Variants in TYW1 observed in about 807,000 individuals in gnomAD.
The protein encoded by TYW1 is S-adenosyl-L-methionine-dependent tRNA 4-demethylwyosine synthase TYW1.
A neutral mutation model predicts 96.2 loss-of-function variants in TYW1; 46 were observed. That is an observed-to-expected ratio of 0.48 (90% confidence interval 0.38 to 0.61). The LOEUF (loss-of-function observed/expected upper bound fraction) is 0.61, where lower values mean the gene tolerates loss of function less well. Ranked by LOEUF, TYW1 falls within the 20% of genes least tolerant of loss-of-function variation. The probability of loss-of-function intolerance (pLI) is 0.00; values close to 1 mark genes in which losing one functional copy is unlikely to be tolerated. For synonymous variants in TYW1, 274 were observed against 323.0 expected, an observed-to-expected ratio of 0.85 and a Z score of 1.63; for missense variants, 684 against 909.6, an observed-to-expected ratio of 0.75 and a Z score of 3.19.
chr7:67,050,063 C>T lies in TYW1; in HGVS notation c.1099C>T (p.Gln367Ter). Residue 367 changes from glutamine (Q) to a stop codon, truncating the protein, a stop_gained, in exon 8 of 16, where the codon CAA becomes TAA. Coordinates refer to ENST00000359626, the MANE Select transcript of TYW1 (RefSeq NM_018264.4). LOFTEE classifies it high-confidence loss of function. Reference sequence around the variant, plus strand: ...TGCTCTCCGAGAAGCCCTTACTAAACAAGGTGAAAATCTTCAAGAATTGTT... The same window carrying T: ...TGCTCTCCGAGAAGCCCTTACTAAATAAGGTGAAAATCTTCAAGAATTGTT... ...TPALREALTK[Q>*]GYQLIGSHSG... The T allele has an allele frequency of 1.2e-6, 2 of 1,612,420 alleles. No homozygotes were observed. The highest frequency in any genetic ancestry group is 1.1e-5 in the South Asian group (1 of 90,986).
intron 13 of TYW1, among the ~76,000 whole-genome samples, chr7:67,130,025 A>C (rs1026235141): frequency 4.6e-5 from 7 of 151,980 alleles, no homozygotes; most frequent in Non-Finnish European, 7.4e-5. Context: ...TTCCCAGAAG[A>C]TACTCTGTGT....
intron 8 of TYW1, among the ~76,000 whole-genome samples, chr7:67,051,280 T>C (rs1187093826): frequency 6.6e-6 from 1 of 152,166 alleles, no homozygotes; most frequent in African/African-American, 2.4e-5. Flanking sequence ...TCTTAACCCA[T>C]ATGTAATTTT....
At chr7:67,120,341 C>T (rs140978308) in intron 13 of TYW1, among the ~76,000 whole-genome samples, 5,125 of 152,146 alleles carry the variant, frequency 0.034, 257 homozygotes, top group African/African-American at 0.12. Flanking sequence ...CCTCAACCTC[C>T]GAAAGTGCTG....
At chr7:67,059,086 T>C (rs1227156488) in intron 9 of TYW1, among the ~76,000 whole-genome samples, 2 of 150,712 alleles carry the variant, frequency 1.3e-5, no homozygotes, top group Non-Finnish European at 2.9e-5. Flanking sequence ...TATAAGTCAA[T>C]GAAGACAAAG....
At chr7:67,191,969 T>C (rs35521959) in intron 14 of TYW1, among the ~76,000 whole-genome samples, 41,727 of 148,526 alleles carry the variant, frequency 0.28, 6,596 homozygotes, top group African/African-American at 0.42. Context: ...TATCTCAGCT[T>C]GCTGCAATCT....
chr7:67,091,911 A>T lies in TYW1; in HGVS notation c.1385-6630A>T, dbSNP rs1297025868. On this transcript the variant is annotated intron_variant, in intron 11 of 15. Coordinates refer to ENST00000359626, the MANE Select transcript of TYW1 (RefSeq NM_018264.4). ...ATATGATTATGATATTTTTATTTGT[A>T]GCTTTCTGGAAAGGATGGCTTTGGT... Among the ~76,000 whole-genome samples the T allele has an allele frequency of 2.0e-5, 3 of 152,118 alleles. No homozygotes were observed. The East Asian group carries it at 5.8e-4, about 29-fold the overall frequency.
intron 10 of TYW1, among the ~76,000 whole-genome samples, chr7:67,071,389 A>G (rs1362573351): frequency 1.4e-5 from 2 of 147,734 alleles, no homozygotes. Context: ...AAAAATTGGA[A>G]AAAAAAAAAA....
At chr7:67,188,830 C>G (rs34567129) in intron 14 of TYW1, among the ~76,000 whole-genome samples, 38,096 of 151,948 alleles carry the variant, frequency 0.25, 4,958 homozygotes, top group Middle Eastern at 0.3. Context: ...ACAGATATGC[C>G]TGGAGCTCCC....
At chr7:67,182,305 A>G (rs1799865619) in intron 13 of TYW1, among the ~76,000 whole-genome samples, 1 of 152,218 alleles carries the variant, frequency 6.6e-6, no homozygotes, top group South Asian at 2.1e-4. Flanking sequence ...GTGTGTGCCT[A>G]TAATCCCAGC....
In TYW1 at chr7:67,018,026, A is replaced by T; in HGVS notation, c.744A>T (p.Arg248Ser). ...TGCAGGCACTTCAGAAAGGGGAGAG[A>T]AAGAAGTCCTGTGGCGGCCACTGCA... Reference protein sequence around the residue: ...SQLQALQKGERKKSCGGHCKK... With the variant: ...SQLQALQKGESKKSCGGHCKK... The change falls in exon 6 of 16, where the codon AGA becomes AGT. Residue 248 changes from arginine (R) to serine (S), a missense_variant. Coordinates refer to ENST00000359626, the MANE Select transcript of TYW1 (RefSeq NM_018264.4). 6.2e-7 allele frequency: 1 copy of T among 1,614,132 alleles called. No individual in the cohort carries two copies. Among genetic ancestry groups the T allele is most frequent in the Admixed American group, 1.7e-5 (1 of 59,972 alleles).
chr7:67,098,196 T>C (rs942284182), intron 11 of TYW1, among the ~76,000 whole-genome samples: 3 of 152,236 alleles, frequency 2.0e-5, no homozygotes, highest in Non-Finnish European at 4.4e-5. Context: ...CTTGTTCTTA[T>C]GCAGATATAC....
intron 15 of TYW1, among the ~76,000 whole-genome samples, chr7:67,231,921 C>CT (rs1266064519): frequency 6.6e-6 from 1 of 151,452 alleles, no homozygotes; most frequent in Non-Finnish European, 1.5e-5. Context: ...TGGACTAGTT[C>CT]TTTAATATTA....
At chr7:67,090,284 G>A (rs1796674348) in intron 11 of TYW1, among the ~76,000 whole-genome samples, 1 of 152,282 alleles carries the variant, frequency 6.6e-6, no homozygotes, top group East Asian at 1.9e-4. Context: ...TTTAGTCAGG[G>A]CAGGTCGTTG....
chr7:67,193,830 CTT>C (rs1393300896), intron 14 of TYW1, among the ~76,000 whole-genome samples: 1 of 145,706 alleles, frequency 6.9e-6, no homozygotes, highest in Non-Finnish European at 1.5e-5. Flanking sequence ...TGTGTCCTGT[CTT>C]TATATGTATT....
chr7:67,146,490 G>A (rs900699594), intron 13 of TYW1, among the ~76,000 whole-genome samples: 2 of 149,544 alleles, frequency 1.3e-5, no homozygotes, highest in Non-Finnish European at 3.0e-5. Flanking sequence ...ATATAACATA[G>A]GCTACTGCCA....
At chr7:67,036,339 G>A (rs898404239) in intron 7 of TYW1, among the ~76,000 whole-genome samples, 3 of 151,886 alleles carry the variant, frequency 2.0e-5, no homozygotes, top group Admixed American at 6.6e-5. Flanking sequence ...GTTCCATAGC[G>A]CTCCTCTAAT....
intron 13 of TYW1, among the ~76,000 whole-genome samples, chr7:67,143,909 A>C (rs2116125770): frequency 6.6e-6 from 1 of 152,328 alleles, no homozygotes; most frequent in South Asian, 2.1e-4. Context: ...TTTTGACTTA[A>C]AACCGGTTGA....
At chr7:67,155,048 A>G (rs1465557043) in intron 13 of TYW1, among the ~76,000 whole-genome samples, 1 of 151,998 alleles carries the variant, frequency 6.6e-6, no homozygotes, top group Non-Finnish European at 1.5e-5. Flanking sequence ...GGATATCTGT[A>G]TCTTTGTATT....
rs867940184 is a variant in TYW1, at chr7:67,054,322, T to A, written c.1103-1513T>A. 3.3e-5 allele frequency among the ~76,000 whole-genome samples: 5 copies of A among 152,168 alleles called. 1 individual carries two copies. The South Asian group carries it at 1.0e-3, about 32-fold the overall frequency. On this transcript the variant is annotated intron_variant, in intron 8 of 15. Coordinates refer to ENST00000359626, the MANE Select transcript of TYW1 (RefSeq NM_018264.4). The stretch of plus-strand genomic sequence containing the variant: ...CAAAATTTATAGAAACCTATGTATC[T>A]TGGGAGAGAAAAATATAAAGAGTTA...
Sources: allele counts gnomAD v4.1 joint callset (sites outside exome capture counted in the v4.1 genomes callset), GRCh38; gene constraint gnomAD v4.1.1; transcripts MANE v1.5; gene names NCBI Gene and HGNC (gene_info 2026-07-23, HGNC 2026-07-21).